The following PCDHA9 variants were observed in gnomAD, a reference collection of about 807,000 sequenced individuals.
PCDHA9 encodes protocadherin alpha-9.
A neutral mutation model predicts 62.0 loss-of-function variants in PCDHA9; 62 were observed. The observed-to-expected ratio is 1.00, with a 90% CI of 0.81 to 1.23. The LOEUF (loss-of-function observed/expected upper bound fraction) is 1.23, where lower values mean the gene tolerates loss of function less well. Among genes scored for constraint, PCDHA9 ranks in the 50% most tolerant of loss-of-function variants. The pLI is 0.00. For missense variants in PCDHA9, 1,205 were observed against 1,249.8 expected (o/e 0.96, Z 0.54); for synonymous variants, 557 against 567.6 (o/e 0.98, Z 0.27).
chr5:140,883,862 C>T (rs1467289225), intron 1 of PCDHA9: 3 of 1,613,000 alleles, frequency 1.9e-6, no homozygotes, highest in Non-Finnish European at 1.7e-6. Flanking sequence ...GGAGCTGTTG[C>T]AGTTCCAGGT....
intron 1 of PCDHA9, chr5:140,927,190 G>A (rs1554204161): frequency 6.2e-7 from 1 of 1,614,156 alleles, no homozygotes; most frequent in South Asian, 1.1e-5. Context: ...CTACGACCTG[G>A]TGCTCGAGGA....
intron 1 of PCDHA9, chr5:140,930,415 G>T (rs2086824319): frequency 6.6e-6 from 1 of 151,804 alleles, no homozygotes; most frequent in African/African-American, 2.4e-5. Flanking sequence ...TGAGACAGGG[G>T]TCTCACTATG....
intron 1 of PCDHA9, among the ~76,000 whole-genome samples, chr5:140,900,333 C>T (rs10071692): frequency 3.3e-5 from 5 of 151,856 alleles, no homozygotes; most frequent in Admixed American, 6.6e-5. Flanking sequence ...GCTGGAGTAC[C>T]GTGGCGCAAT....
intron 1 of PCDHA9, among the ~76,000 whole-genome samples, chr5:140,890,244 C>T (rs1404459938): frequency 6.6e-6 from 1 of 152,052 alleles, no homozygotes; most frequent in Non-Finnish European, 1.5e-5. Flanking sequence ...TTTACCAGTA[C>T]ACTACTGCAC....
chr5:140,932,042 A>G (rs1419099942), intron 1 of PCDHA9, among the ~76,000 whole-genome samples: 1 of 151,970 alleles, frequency 6.6e-6, no homozygotes, highest in Non-Finnish European at 1.5e-5. Flanking sequence ...ATATTAACAT[A>G]GCCTGTAATA....
intron 1 of PCDHA9, among the ~76,000 whole-genome samples, chr5:140,901,760 G>C (rs909858668): frequency 6.6e-6 from 1 of 152,102 alleles, no homozygotes; most frequent in Admixed American, 6.5e-5. Context: ...TTTTGACAGG[G>C]ATTGCATTGA....
At chr5:140,972,296 T>C (rs1303430452) in intron 1 of PCDHA9, among the ~76,000 whole-genome samples, 2 of 151,468 alleles carry the variant, frequency 1.3e-5, no homozygotes, top group Non-Finnish European at 2.9e-5. Flanking sequence ...TGCGCCACCG[T>C]GTCTGACTAG....
intron 1 of PCDHA9, chr5:140,858,461 C>G: frequency 1.3e-6 from 2 of 1,524,640 alleles, no homozygotes; most frequent in Non-Finnish European, 1.8e-6. Flanking sequence ...TTTCATTTTC[C>G]TTTTGTGCTT....
At chr5:140,967,362 C>A (rs1385889243) in intron 1 of PCDHA9, 2 of 1,607,452 alleles carry the variant, frequency 1.2e-6, no homozygotes, top group East Asian at 2.2e-5. Flanking sequence ...GACCTTAAGC[C>A]CCTGCAGGAG....
At chr5:140,921,435 A>C (rs997660613) in intron 1 of PCDHA9, among the ~76,000 whole-genome samples, 4 of 152,120 alleles carry the variant, frequency 2.6e-5, no homozygotes, top group African/African-American at 4.8e-5. Flanking sequence ...ATTTTCTTCA[A>C]TGGTGTCTGA....
chr5:140,871,524 G>A (rs1554165700), intron 1 of PCDHA9: 3 of 1,546,672 alleles, frequency 1.9e-6, no homozygotes, highest in Middle Eastern at 1.7e-4. Flanking sequence ...CACCTATCAG[G>A]AAGTGTATGT....
At chr5:140,956,953 CTG>C (rs1217178036) in intron 1 of PCDHA9, among the ~76,000 whole-genome samples, 2 of 135,202 alleles carry the variant, frequency 1.5e-5, no homozygotes, top group African/African-American at 2.6e-5. Flanking sequence ...CATTAAAACA[CTG>C]TAATTAATCA....
intron 1 of PCDHA9, chr5:140,857,559 C>G (rs550275293): frequency 2.5e-6 from 4 of 1,596,876 alleles, no homozygotes; most frequent in Non-Finnish European, 3.4e-6. Context: ...CGCTCGCTGT[C>G]GAGCTACGTG....
chr5:140,905,880 A>C (rs1485985374), intron 1 of PCDHA9, among the ~76,000 whole-genome samples: 1 of 152,172 alleles, frequency 6.6e-6, no homozygotes, highest in Non-Finnish European at 1.5e-5. Context: ...AGGCCCAACA[A>C]TAGGCCATCT....
chr5:140,858,256 G>C, intron 1 of PCDHA9: 1 of 1,596,658 alleles, frequency 6.3e-7, no homozygotes, highest in Non-Finnish European at 8.6e-7. Context: ...TGAAGCCCAC[G>C]CTGGTGTGCT....
chr5:140,959,320 A>C (rs2095480939), intron 1 of PCDHA9, among the ~76,000 whole-genome samples: 1 of 152,108 alleles, frequency 6.6e-6, no homozygotes, highest in Non-Finnish European at 1.5e-5. Context: ...AGCTGCAATA[A>C]GTTTTGATTA....
At chr5:140,873,454 T>C (rs1251903132) in intron 1 of PCDHA9, among the ~76,000 whole-genome samples, 1 of 152,170 alleles carries the variant, frequency 6.6e-6, no homozygotes, top group African/African-American at 2.4e-5. Context: ...CAAATTTGCA[T>C]TTTAGATAAT....
At chr5:141,000,393 CTCTATATATA>C (rs1279908183) in intron 3 of PCDHA9, among the ~76,000 whole-genome samples, 25 of 52,852 alleles carry the variant, frequency 4.7e-4, no homozygotes, top group South Asian at 8.2e-4. Flanking sequence ...CTCTCTCTCT[CTCTATATATA>C]TATATATATA....
intron 1 of PCDHA9, chr5:140,869,562 A>C: frequency 2.5e-6 from 4 of 1,614,168 alleles, no homozygotes. Flanking sequence ...CGCGTTTTCC[A>C]CTAGAGGGAG....
Sources: allele counts gnomAD v4.1 joint callset (sites outside exome capture counted in the v4.1 genomes callset), GRCh38; gene constraint gnomAD v4.1.1; transcripts MANE v1.5; gene names NCBI Gene and HGNC (gene_info 2026-07-23, HGNC 2026-07-21).